The following CD8A variants were observed in gnomAD, a reference collection of about 807,000 sequenced individuals.
CD8A encodes the protein T-cell surface glycoprotein CD8 alpha chain.
A neutral mutation model predicts 24.2 loss-of-function variants in CD8A; 25 were observed. The observed-to-expected ratio is 1.03, with a 90% CI of 0.75 to 1.44. CD8A has a LOEUF of 1.44. Ranked by LOEUF, CD8A falls within the 40% of genes most tolerant of loss-of-function variation. CD8A has a pLI of 0.00. For missense variants in CD8A, 360 were observed against 319.7 expected (o/e 1.13, Z -0.96); for synonymous variants, 165 against 149.9 (o/e 1.10, Z -0.74).
At chr2:86,789,565 G>GT (rs1461669618) in intron 3 of CD8A, 75 bp downstream of exon 3, 1 of 1,308,268 alleles carries the variant, frequency 7.6e-7, no homozygotes, top group African/African-American at 1.5e-5. Context: ...TCTACCTACA[G>GT]TATCAGGGCT....
At chr2:86,789,457 AT>A in intron 3 of CD8A, 24 bp from the exon 4 acceptor site, 1 of 1,568,960 alleles carries the variant, frequency 6.4e-7, no homozygotes, top group Non-Finnish European at 8.8e-7. Context: ...AGACGCCGAC[AT>A]TTAGGAGAGG....
intron 3 of CD8A, 85 bp downstream of exon 3, chr2:86,789,555 T>C: frequency 7.6e-7 from 1 of 1,309,324 alleles, no homozygotes; most frequent in Non-Finnish European, 1.1e-6. Flanking sequence ...AGCCCTTGAC[T>C]CTACCTACAG....
intron 2 of CD8A, among the ~76,000 whole-genome samples, chr2:86,803,055 A>C (rs560806272): frequency 2.6e-5 from 4 of 152,316 alleles, no homozygotes; most frequent in African/African-American, 9.6e-5. Flanking sequence ...AAAAAGAATA[A>C]GGTTTTCTTT....
At position 86,789,343 on chromosome 2, in the gene CD8A, A is replaced by T; in HGVS notation, c.605T>A (p.Ile202Asn). The T allele has an allele frequency of 6.2e-7, 1 of 1,610,786 alleles. No homozygotes were observed. Among genetic ancestry groups the T allele is most frequent in the Non-Finnish European group, 8.5e-7 (1 of 1,176,924 alleles). The change falls in exon 4 of 6, where the codon ATC becomes AAC. Residue 202 changes from isoleucine (I) to asparagine (N), a missense_variant. Physicochemically the swap from Ile to Asn is moderately radical, Grantham distance 149 (BLOSUM62 -3). Transcript: ENST00000283635. Reference sequence around the variant, plus strand: ...CTTACTGTGGTTGCAGTAAAGGGTGATAACCAGTGACAGGAGAAGGACCCC... The same window carrying T: ...CTTACTGTGGTTGCAGTAAAGGGTGTTAACCAGTGACAGGAGAAGGACCCC... ...TCGVLLLSLVITLYCNHRNRR... is the reference protein window; with the variant it reads ...TCGVLLLSLVNTLYCNHRNRR...
At position 86,785,458 on chromosome 2, in the gene CD8A, T is replaced by A; in HGVS notation, c.*462A>T. The A allele has an allele frequency of 2.2e-6, 1 of 456,126 alleles. No individual in the cohort carries two copies. The highest frequency in any genetic ancestry group is 4.4e-6 in the Non-Finnish European group (1 of 228,298). 28.3% of individuals were successfully genotyped at this position (456,126 alleles called of 1,614,324 possible). ...GACAGGGGCCTCGGAAAGAAAGACC[T>A]GAATGGTGTGGAGGAAAGAGCCCTG... On this transcript the variant is annotated 3_prime_UTR_variant, in exon 6 of 6. Coordinates refer to ENST00000283635, the MANE Select transcript of CD8A (RefSeq NM_001768.7).
At chr2:86,799,233 G>A (rs1673581995) in intron 3 of CD8A, among the ~76,000 whole-genome samples, 2 of 152,292 alleles carry the variant, frequency 1.3e-5, no homozygotes, top group African/African-American at 4.8e-5. Context: ...TTTAGGCTTT[G>A]TGCTCGTTCT....
Position 86,784,699 on chromosome 2 carries a change from GAC to G in CD8A, c.*1219_*1220del, listed in dbSNP as rs1305892597. ...AGTACAACCCTATTTAAAAAAGAAA[GAC>G]ATATTTTACATGTATGTGTAGAAAA... On this transcript the variant is annotated 3_prime_UTR_variant, in exon 6 of 6. Coordinates refer to ENST00000283635, the MANE Select transcript of CD8A (RefSeq NM_001768.7). 1 of 451,234 alleles carries G rather than the reference GAC, an allele frequency of 2.2e-6. No individual in the cohort carries two copies. The highest frequency in any genetic ancestry group is 4.4e-6 in the Non-Finnish European group (1 of 225,144). The allele number at this position is 451,234 out of a possible 1,614,324, so 28.0% of individuals were successfully genotyped here.
chr2:86,790,982 G>T (rs1354896115), upstream of CD8A: 1 of 788,616 alleles, frequency 1.3e-6, no homozygotes, highest in South Asian at 1.5e-5. Flanking sequence ...AGCCCCCGCC[G>T]AGGAGAGTCA....
intron 2 of CD8A, among the ~76,000 whole-genome samples, chr2:86,806,934 T>C (rs1401765521): frequency 3.9e-5 from 6 of 151,932 alleles, no homozygotes; most frequent in African/African-American, 1.4e-4. Context: ...CGTTTCAAGA[T>C]AACAAATTGG....
Position 86,789,690 on chromosome 2 carries a change from T to C in CD8A, c.464A>G (p.Gln155Arg). Residue 155 changes from glutamine to arginine, a missense_variant, in exon 3 of 6, where the codon CAG (glutamine) becomes CGG (arginine). Coordinates refer to ENST00000283635, the MANE Select transcript of CD8A (RefSeq NM_001768.7). ...CGCCTCTGGGCGCAGGGACAGGGGC[T>C]GCGACGCGATGGTGGGCGCCGGTGT... Reference protein sequence around the residue: ...PPTPAPTIASQPLSLRPEACR... With the variant: ...PPTPAPTIASRPLSLRPEACR... 1 of 1,415,990 alleles carries C rather than the reference T, an allele frequency of 7.1e-7. No individual in the cohort carries two copies. The highest frequency in any genetic ancestry group is 2.9e-5 in the East Asian group (1 of 34,942). 87.7% of individuals were successfully genotyped at this position (1,415,990 alleles called of 1,614,324 possible).
intron 3 of CD8A, among the ~76,000 whole-genome samples, chr2:86,797,502 A>C (rs1673520747): frequency 6.6e-6 from 1 of 152,114 alleles, no homozygotes; most frequent in South Asian, 2.1e-4. Flanking sequence ...CCCCTGACCC[A>C]CATGAGGATG....
rs561446540 is a variant in CD8A at position 86,785,572 on chromosome 2, C to G, written c.*348G>C. 24 of 517,056 alleles carry G rather than the reference C, an allele frequency of 4.6e-5. No individual in the cohort carries two copies. The highest frequency in any genetic ancestry group is 5.1e-5 in the East Asian group (1 of 19,596). 32.0% of individuals were successfully genotyped at this position (517,056 alleles called of 1,614,324 possible). ...AGCTGTCTCTGGGCTTTAGCCTCCC[C>G]CTTTGTAAAACGGGCGGGGAAGAGG... On this transcript the variant is annotated 3_prime_UTR_variant, in exon 6 of 6. Transcript: ENST00000283635.
chr2:86,792,805 C>CTT (rs544347033), upstream of CD8A, among the ~76,000 whole-genome samples: 55 of 134,332 alleles, frequency 4.1e-4, no homozygotes, highest in African/African-American at 1.3e-3. Context: ...CCTGGATGGG[C>CTT]TTTTTTTTTT....
upstream of CD8A, chr2:86,791,022 C>G: frequency 2.8e-6 from 2 of 726,226 alleles, no homozygotes; most frequent in Non-Finnish European, 4.9e-6. Context: ...CGCCTTCCAG[C>G]CCGGCGAGGA....
upstream of CD8A, among the ~76,000 whole-genome samples, chr2:86,793,948 G>C (rs1158233930): frequency 1.3e-5 from 2 of 152,168 alleles, no homozygotes; most frequent in Non-Finnish European, 2.9e-5. Context: ...CCATCAAGGA[G>C]GCTTTGTGAC....
chr2:86,784,684 T>C lies in CD8A; in HGVS notation c.*1236A>G, dbSNP rs545637260. 2 of 447,816 alleles carry C rather than the reference T, an allele frequency of 4.5e-6. No individual in the cohort carries two copies. Among genetic ancestry groups the C allele is most frequent in the African/African-American group, 4.0e-5 (2 of 49,888 alleles). The allele number at this position is 447,816 out of a possible 1,614,324, so 27.7% of individuals were successfully genotyped here. ...CACTCATAACAGCATAGTACAACCC[T>C]ATTTAAAAAAGAAAGACATATTTTA... On this transcript the variant is annotated 3_prime_UTR_variant, in exon 6 of 6. Transcript: ENST00000283635.
intron 4 of CD8A, among the ~76,000 whole-genome samples, chr2:86,789,038 C>T (rs908822067): frequency 6.6e-6 from 1 of 152,192 alleles, no homozygotes; most frequent in Non-Finnish European, 1.5e-5. Flanking sequence ...TGTCATGTGT[C>T]CAGACATGTG....
chr2:86,784,828 A>G lies in CD8A; in HGVS notation c.*1092T>C, dbSNP rs528852129. 1.5e-5 allele frequency: 7 copies of G among 454,090 alleles called. No individual in the cohort carries two copies. Among genetic ancestry groups the G allele is most frequent in the Non-Finnish European group, 2.6e-5 (6 of 226,782 alleles). 28.1% of individuals were successfully genotyped at this position (454,090 alleles called of 1,614,324 possible). A position where few individuals can be genotyped will look rare whatever the true frequency, so the allele number is the denominator to read the frequency against. ...TATCTACTTAAGTTTTTTCTCTCCA[A>G]TGGGCAGGCATTGCTTGTACCATAC... On this transcript the variant is annotated 3_prime_UTR_variant, in exon 6 of 6. Transcript: ENST00000283635.
chr2:86,798,814 G>T (rs989461424), intron 3 of CD8A, among the ~76,000 whole-genome samples: 1 of 152,262 alleles, frequency 6.6e-6, no homozygotes, highest in Middle Eastern at 3.4e-3. Context: ...GAACCACTGT[G>T]CCCAGCCTGC....
Sources: allele counts gnomAD v4.1 joint callset (sites outside exome capture counted in the v4.1 genomes callset), GRCh38; gene constraint gnomAD v4.1.1; transcripts MANE v1.5; gene names NCBI Gene and HGNC (gene_info 2026-07-23, HGNC 2026-07-21).